Variants in RTF1 observed in about 807,000 individuals in gnomAD.
The protein encoded by RTF1 is RTF1 homolog, Paf1/RNA polymerase II complex component.
A neutral mutation model predicts 95.7 loss-of-function variants in RTF1; 10 were observed. The ratio of observed to expected loss-of-function variants is 0.10; its 90% CI spans 0.06 to 0.18. RTF1 has a LOEUF of 0.18. Among genes scored for constraint, RTF1 ranks in the 10% least tolerant of loss-of-function variants. RTF1 has a pLI of 1.00. For missense variants in RTF1, 458 were observed against 875.6 expected (o/e 0.52, Z 6.02); for synonymous variants, 305 against 311.8 (o/e 0.98, Z 0.23).
chr15:41,448,174 A>C (rs1419351956), intron 2 of RTF1, among the ~76,000 whole-genome samples: 1 of 152,168 alleles, frequency 6.6e-6, no homozygotes, highest in Non-Finnish European at 1.5e-5. Context: ...ACAAAAAAGC[A>C]TTCAGGAATC....
chr15:41,439,506 A>C (rs80040310), intron 2 of RTF1, among the ~76,000 whole-genome samples: 1 of 152,196 alleles, frequency 6.6e-6, no homozygotes, highest in East Asian at 1.9e-4. Flanking sequence ...GGAAAATCCA[A>C]CTGTTCATTG....
intron 1 of RTF1, among the ~76,000 whole-genome samples, chr15:41,435,296 A>G (rs983400423): frequency 1.3e-5 from 2 of 151,998 alleles, no homozygotes; most frequent in African/African-American, 4.8e-5. Flanking sequence ...TCATAGAACT[A>G]TATGTGTTAG....
intron 8 of RTF1, among the ~76,000 whole-genome samples, chr15:41,473,950 T>C (rs1285237417): frequency 6.6e-6 from 1 of 151,956 alleles, no homozygotes; most frequent in Non-Finnish European, 1.5e-5. Context: ...GGCAGGAGAA[T>C]CACTTGAACC....
At chr15:41,468,669 C>T (rs1488923322) in intron 6 of RTF1, among the ~76,000 whole-genome samples, 1 of 152,134 alleles carries the variant, frequency 6.6e-6, no homozygotes, top group African/African-American at 2.4e-5. Context: ...ACATTTTGAA[C>T]AGGAAAGGCA....
intron 1 of RTF1, among the ~76,000 whole-genome samples, chr15:41,418,133 A>G (rs371007209): frequency 1.3e-5 from 2 of 152,188 alleles, no homozygotes; most frequent in East Asian, 1.9e-4. Context: ...AACTGTTTAT[A>G]TACTCTAGAA....
rs2050976017 is a variant in RTF1, at chr15:41,481,659, T to C, written c.*972T>C. 1 of 152,562 alleles carries C rather than the reference T, an allele frequency of 6.6e-6. No individual in the cohort carries two copies. Among genetic ancestry groups the C allele is most frequent in the Non-Finnish European group, 1.5e-5 (1 of 68,054 alleles). 9.5% of individuals were successfully genotyped at this position (152,562 alleles called of 1,614,324 possible). On this transcript the variant is annotated 3_prime_UTR_variant, in exon 18 of 18. Transcript: ENST00000389629. ...CAGCCCACAGCTTCTTGGCTGAACG[T>C]AGAACTTCTTTTTCTCACCCAGTAT...
chr15:41,452,010 C>A (rs2050791450), intron 2 of RTF1, among the ~76,000 whole-genome samples: 1 of 150,766 alleles, frequency 6.6e-6, no homozygotes, highest in South Asian at 2.1e-4. Flanking sequence ...CCAGCCTAGG[C>A]AACATAGCAA....
chr15:41,465,576 G>A (rs2050876812), intron 5 of RTF1, among the ~76,000 whole-genome samples: 1 of 152,084 alleles, frequency 6.6e-6, no homozygotes, highest in African/African-American at 2.4e-5. Flanking sequence ...CAGAAGCGGA[G>A]GTTGCAGTGA....
At chr15:41,424,135 C>T (rs1327207839) in intron 1 of RTF1, among the ~76,000 whole-genome samples, 2 of 152,160 alleles carry the variant, frequency 1.3e-5, no homozygotes, top group Non-Finnish European at 2.9e-5. Flanking sequence ...GCAGTTTCCA[C>T]CTTCAAGGAG....
intron 3 of RTF1, among the ~76,000 whole-genome samples, chr15:41,457,363 G>A (rs2050824328): frequency 6.6e-6 from 1 of 151,918 alleles, no homozygotes; most frequent in Non-Finnish European, 1.5e-5. Context: ...GTGAAACCCC[G>A]TCTCCAATAA....
chr15:41,423,084 A>C (rs959475505), intron 1 of RTF1, among the ~76,000 whole-genome samples: 4 of 151,986 alleles, frequency 2.6e-5, no homozygotes, highest in African/African-American at 7.2e-5. Context: ...CCCTGTAAGT[A>C]TTTTCTAGGA....
At chr15:41,457,600 C>T in intron 3 of RTF1, 72 bp from the exon 4 acceptor site, 1 of 1,308,532 alleles carries the variant, frequency 7.6e-7, no homozygotes, top group Non-Finnish European at 1.1e-6. Flanking sequence ...GTGATGTTGT[C>T]AACATTGTGG....
At chr15:41,452,795 G>T (rs2050795385) in intron 2 of RTF1, 106 bp from the exon 3 acceptor site, 10 of 832,844 alleles carry the variant, frequency 1.2e-5, no homozygotes, top group South Asian at 3.0e-5. Flanking sequence ...TATTTGTTTT[G>T]GATTCAAAGA....
intron 1 of RTF1, among the ~76,000 whole-genome samples, chr15:41,437,217 C>T (rs1219890682): frequency 6.6e-6 from 1 of 151,808 alleles, no homozygotes; most frequent in Non-Finnish European, 1.5e-5. Flanking sequence ...TGCATTGGGC[C>T]GGGTGTGGGG....
chr15:41,469,109 C>G (rs1262328155), intron 6 of RTF1, among the ~76,000 whole-genome samples: 1 of 151,396 alleles, frequency 6.6e-6, no homozygotes, highest in Non-Finnish European at 1.5e-5. Flanking sequence ...GCTGAGACTA[C>G]ATGCGTGCAC....
At chr15:41,417,415 C>T in intron 1 of RTF1, 102 bp downstream of exon 1, 1 of 1,034,060 alleles carries the variant, frequency 9.7e-7, no homozygotes, top group Non-Finnish European at 1.3e-6. Flanking sequence ...CCAGAGCGCC[C>T]AGCTCGCCCC....
intron 2 of RTF1, among the ~76,000 whole-genome samples, chr15:41,446,295 G>A (rs1211361957): frequency 5.3e-5 from 8 of 152,096 alleles, no homozygotes; most frequent in Admixed American, 5.2e-4. Flanking sequence ...TTTTGGCCAG[G>A]TGCGGTGTCT....
chr15:41,447,603 A>G (rs1373508402), intron 2 of RTF1, among the ~76,000 whole-genome samples: 1 of 152,186 alleles, frequency 6.6e-6, no homozygotes, highest in Non-Finnish European at 1.5e-5. Flanking sequence ...TTGCATATTT[A>G]CAAAATACTT....
rs573949020 is a variant in RTF1 at position 41,433,092 on chromosome 15, A to G, written c.199-5229A>G. ...GAAAACCTGTCTCTACTAAAAATAC[A>G]AAACTATTAGCTGGGTGTGGTGGCG... is the stretch of plus-strand genomic sequence containing the variant. On this transcript the variant is annotated intron_variant, in intron 1 of 17. Coordinates refer to ENST00000389629, the MANE Select transcript of RTF1 (RefSeq NM_015138.5). 2.0e-5 allele frequency among the ~76,000 whole-genome samples: 3 copies of G among 150,102 alleles called. No homozygotes were observed. In the South Asian group the frequency reaches 6.4e-4, roughly 32 times the overall value.
Sources: gnomAD v4.1 joint callset for allele counts (sites outside exome capture counted in the v4.1 genomes callset) on GRCh38, gnomAD v4.1.1 for gene constraint, MANE v1.5 for transcripts, NCBI Gene and HGNC (gene_info 2026-07-23, HGNC 2026-07-21) for gene names.